The following ZNF469 variants were observed in gnomAD, a reference collection of about 807,000 sequenced individuals.
ZNF469 encodes zinc finger protein 469.
In ZNF469, 1 loss-of-function variant was observed where a neutral mutation model predicts 1.0. The observed-to-expected ratio is 1.00, with a 90% CI of 0.35 to 4.73. The LOEUF is 4.73. Among genes scored for constraint, ZNF469 ranks in the 30% most tolerant of loss-of-function variants. ZNF469 has a pLI of 0.16. For missense variants in ZNF469, 6,100 were observed against 5,356.3 expected (o/e 1.14, Z -4.33); for synonymous variants, 2,703 against 2,363.4 (o/e 1.14, Z -4.17).
Position 88,439,248 on chromosome 16 carries a change from G to A in ZNF469, c.11778G>A (p.Glu3926=), listed in dbSNP as rs1470704584. Residue 3926 remains glutamate (E), a synonymous_variant, in exon 3 of 3, where the codon GAG becomes GAA. Coordinates refer to ENST00000565624, the MANE Select transcript of ZNF469 (RefSeq NM_001367624.2). ...AGCCACACACCCACCGGACGGCCGA[G>A]GCCCAGAGTGACCTCCTCAGCCAGC... The part of the protein sequence containing the change: ...PAEPHTHRTA[E]AQSDLLSQLF... 4 of 1,550,496 alleles carry A rather than the reference G, an allele frequency of 2.6e-6. No homozygotes were observed. In the South Asian group the frequency reaches 4.8e-5, roughly 18 times the overall value.
rs369993792 is a variant in ZNF469 at position 88,429,299 on chromosome 16, C to T, written c.1829C>T (p.Pro610Leu). 2.6e-6 allele frequency: 4 copies of T among 1,549,940 alleles called. No homozygotes were observed. Among genetic ancestry groups the T allele is most frequent in the African/African-American group, 1.4e-5 (1 of 73,146 alleles). The change falls in exon 3 of 3, where the codon CCG becomes CTG. Residue 610 changes from proline (P) to leucine (L), a missense_variant. Transcript: ENST00000565624. ...GGCAGCACCTGCTCTTCCCTGTCGC[C>T]GATGTCCAGCAGCCCAGCCAACCCC... ...TAGSTCSSLS[P>L]MSSSPANPSS...
the ZNF469 span, among the ~76,000 whole-genome samples, chr16:88,124,169 C>T: frequency 6.6e-6 from 1 of 152,152 alleles, no homozygotes; most frequent in African/African-American, 2.4e-5. Context: ...GGTCTGGATG[C>T]AAGTCCTTTA....
chr16:88,285,926 C>T, the ZNF469 span, among the ~76,000 whole-genome samples: 1 of 152,262 alleles, frequency 6.6e-6, no homozygotes, highest in Non-Finnish European at 1.5e-5. Flanking sequence ...CTCCATGAGA[C>T]TCCTGCTGAC....
chr16:88,239,147 G>A, the ZNF469 span, among the ~76,000 whole-genome samples: 9 of 151,996 alleles, frequency 5.9e-5, no homozygotes, highest in East Asian at 1.9e-4. Flanking sequence ...GCCATGGTGC[G>A]GGTGAGGGAG....
the ZNF469 span, among the ~76,000 whole-genome samples, chr16:88,320,924 A>G: frequency 6.6e-6 from 1 of 152,248 alleles, no homozygotes; most frequent in Non-Finnish European, 1.5e-5. Context: ...GGAGTTCAGG[A>G]CGCAGATGCA....
chr16:88,374,862 T>G, the ZNF469 span, among the ~76,000 whole-genome samples: 2 of 152,120 alleles, frequency 1.3e-5, no homozygotes, highest in South Asian at 4.1e-4. Context: ...GCTTGGGCGG[T>G]GATGCAGGCC....
chr16:88,142,493 G>T, the ZNF469 span, among the ~76,000 whole-genome samples: 1 of 152,358 alleles, frequency 6.6e-6, no homozygotes, highest in East Asian at 1.9e-4. Flanking sequence ...CAACAGCCCA[G>T]TGTGAGCCTC....
chr16:88,223,423 T>C, the ZNF469 span, among the ~76,000 whole-genome samples: 1 of 152,170 alleles, frequency 6.6e-6, no homozygotes, highest in African/African-American at 2.4e-5. Context: ...GACCCAGTCT[T>C]GGGTATGTCT....
At chr16:88,339,024 G>T in the ZNF469 span, among the ~76,000 whole-genome samples, 1 of 151,592 alleles carries the variant, frequency 6.6e-6, no homozygotes, top group African/African-American at 2.4e-5. Flanking sequence ...CTGCACAGCA[G>T]GGCTGCCTGA....
chr16:88,413,034 G>A (rs778998786), intron 1 of ZNF469, among the ~76,000 whole-genome samples: 9 of 151,818 alleles, frequency 5.9e-5, no homozygotes, highest in Non-Finnish European at 1.2e-4. Flanking sequence ...GGCGCACCAC[G>A]GCGACACCAG....
the ZNF469 span, among the ~76,000 whole-genome samples, chr16:88,181,555 A>T: frequency 6.6e-6 from 1 of 152,262 alleles, no homozygotes; most frequent in Non-Finnish European, 1.5e-5. Flanking sequence ...AACATATTTT[A>T]AAATGACTGA....
chr16:88,267,992 T>C, the ZNF469 span, among the ~76,000 whole-genome samples: 2 of 151,908 alleles, frequency 1.3e-5, no homozygotes, highest in Admixed American at 6.6e-5. Flanking sequence ...TCTTACCGGC[T>C]CCTGCCATCC....
chr16:88,209,298 T>C, the ZNF469 span, among the ~76,000 whole-genome samples: 12 of 151,956 alleles, frequency 7.9e-5, no homozygotes, highest in African/African-American at 2.9e-4. Flanking sequence ...TTTTCTTTTT[T>C]TTTTTCTTTT....
chr16:88,244,828 T>C, the ZNF469 span, among the ~76,000 whole-genome samples: 1 of 148,138 alleles, frequency 6.8e-6, no homozygotes, highest in African/African-American at 2.5e-5. Context: ...CCCAGTGGCA[T>C]GGCTCAGAAA....
chr16:88,206,765 A>G, the ZNF469 span, among the ~76,000 whole-genome samples: 13 of 147,520 alleles, frequency 8.8e-5, no homozygotes, highest in African/African-American at 3.3e-4. Flanking sequence ...TCTTGGTGAG[A>G]GATCCCACTT....
At chr16:88,215,976 T>C in the ZNF469 span, among the ~76,000 whole-genome samples, 13 of 152,238 alleles carry the variant, frequency 8.5e-5, no homozygotes, top group Non-Finnish European at 1.9e-4. Flanking sequence ...ATTTACTTTC[T>C]CTTTGCTTTC....
chr16:88,106,697 G>A, the ZNF469 span, among the ~76,000 whole-genome samples: 2 of 152,230 alleles, frequency 1.3e-5, no homozygotes, highest in Non-Finnish European at 2.9e-5. Context: ...GGCTGCTCTT[G>A]GTCCCAGCGA....
intron 1 of ZNF469, among the ~76,000 whole-genome samples, chr16:88,396,859 AG>A (rs924280296): frequency 1.0e-4 from 15 of 148,420 alleles, no homozygotes; most frequent in Non-Finnish European, 3.0e-5. Flanking sequence ...TCCTGAAGGG[AG>A]GCCGGGAGGA....
At chr16:88,317,331 C>T in the ZNF469 span, among the ~76,000 whole-genome samples, 11 of 152,250 alleles carry the variant, frequency 7.2e-5, no homozygotes, top group Admixed American at 7.2e-4. Flanking sequence ...CAGATGCTCA[C>T]AGCACCTCAC....
Sources: gnomAD v4.1 joint callset for allele counts (sites outside exome capture counted in the v4.1 genomes callset) on GRCh38, gnomAD v4.1.1 for gene constraint, MANE v1.5 for transcripts, NCBI Gene and HGNC (gene_info 2026-07-23, HGNC 2026-07-21) for gene names.